Variants in DIP2C observed in about 807,000 individuals in gnomAD.
The protein encoded by DIP2C is disco-interacting protein 2 homolog C.
In DIP2C, 33 loss-of-function variants were observed where a neutral mutation model predicts 192.4. That is an observed-to-expected ratio of 0.17 (90% CI 0.13 to 0.23). DIP2C has a LOEUF of 0.23. Among genes scored for constraint, DIP2C ranks in the 10% least tolerant of loss-of-function variants. DIP2C has a pLI of 1.00. For synonymous variants in DIP2C, 979 were observed against 864.1 expected (o/e 1.13, Z -2.33); for missense variants, 1,537 against 2,110.1 (o/e 0.73, Z 5.32).
At chr10:332,772 TCTC>T (rs550155564) in intron 29 of DIP2C, among the ~76,000 whole-genome samples, 12 of 152,156 alleles carry the variant, frequency 7.9e-5, no homozygotes, top group Non-Finnish European at 1.5e-4. Context: ...AACTGAAAAC[TCTC>T]CTAACTTGGG....
At chr10:373,290 C>A (rs1961207389) in intron 17 of DIP2C, among the ~76,000 whole-genome samples, 1 of 152,170 alleles carries the variant, frequency 6.6e-6, no homozygotes, top group Non-Finnish European at 1.5e-5. Context: ...ACATCACAGT[C>A]AAAAGGCAAA....
At chr10:340,274 ATATT>A (rs2132552405) in intron 29 of DIP2C, among the ~76,000 whole-genome samples, 1 of 152,124 alleles carries the variant, frequency 6.6e-6, no homozygotes, top group South Asian at 2.1e-4. Context: ...ATATTAACAT[ATATT>A]TATTCATAAA....
At chr10:546,110 CAT>C (rs1848271906) in intron 1 of DIP2C, among the ~76,000 whole-genome samples, 1 of 148,774 alleles carries the variant, frequency 6.7e-6, no homozygotes, top group Non-Finnish European at 1.5e-5. Context: ...GGTGAAACCC[CAT>C]CTCTACTAAA....
At chr10:311,896 A>C (rs1589447935) in intron 31 of DIP2C, among the ~76,000 whole-genome samples, 2 of 152,176 alleles carry the variant, frequency 1.3e-5, no homozygotes, top group African/African-American at 4.8e-5. Context: ...GTGGCACTGC[A>C]CCGTGTCACT....
chr10:587,111 C>A (rs759039848), intron 1 of DIP2C, among the ~76,000 whole-genome samples: 5 of 149,054 alleles, frequency 3.4e-5, no homozygotes, highest in African/African-American at 4.9e-5. Flanking sequence ...CTGCTGATAG[C>A]GTGGCGAGGG....
chr10:659,375 T>G (rs949549133), intron 1 of DIP2C, among the ~76,000 whole-genome samples: 2 of 152,192 alleles, frequency 1.3e-5, no homozygotes, highest in Non-Finnish European at 2.9e-5. Flanking sequence ...TTCATACACA[T>G]AAATGCAAAC....
chr10:630,412 A>C (rs1419002171), intron 1 of DIP2C: 1 of 152,256 alleles, frequency 6.6e-6, no homozygotes, highest in Non-Finnish European at 1.5e-5. Context: ...AATTATACAG[A>C]CTGGCAATTA....
At chr10:553,542 C>T (rs1205309962) in intron 1 of DIP2C, among the ~76,000 whole-genome samples, 1 of 152,222 alleles carries the variant, frequency 6.6e-6, no homozygotes, top group Non-Finnish European at 1.5e-5. Flanking sequence ...AAAGTTAAGT[C>T]ACCACTTCTA....
At chr10:616,586 C>A (rs371470710) in intron 1 of DIP2C, among the ~76,000 whole-genome samples, 1 of 152,218 alleles carries the variant, frequency 6.6e-6, no homozygotes, top group African/African-American at 2.4e-5. Context: ...CCTCGCCCAG[C>A]CAGGGCTTCC....
chr10:677,210 C>T (rs543673227), intron 1 of DIP2C, among the ~76,000 whole-genome samples: 1 of 152,326 alleles, frequency 6.6e-6, no homozygotes, highest in Admixed American at 6.5e-5. Flanking sequence ...TGAATCACCA[C>T]AAAAACTACC....
chr10:458,991 C>T (rs371873639), intron 3 of DIP2C, among the ~76,000 whole-genome samples: 25 of 102,692 alleles, frequency 2.4e-4, no homozygotes, highest in East Asian at 5.4e-4. Context: ...TCAACTTTTT[C>T]AAAAAAAAAA....
chr10:481,999 C>A (rs55973534), intron 2 of DIP2C, among the ~76,000 whole-genome samples: 58,224 of 152,146 alleles, frequency 0.38, 13,056 homozygotes, highest in Non-Finnish European at 0.52. Context: ...TAGTAACCAC[C>A]ACCCAACTAT....
chr10:655,193 C>T (rs1418028121), intron 1 of DIP2C, among the ~76,000 whole-genome samples: 1 of 152,186 alleles, frequency 6.6e-6, no homozygotes, highest in African/African-American at 2.4e-5. Context: ...CCCTTGTAGT[C>T]AACTGGGAAG....
At position 378,754 on chromosome 10, in the gene DIP2C, C is replaced by CAT. The variant is rs200652902; in HGVS notation, c.1991+3891_1991+3892dup. On this transcript the variant is annotated intron_variant, in intron 17 of 36. Transcript: ENST00000280886. Reference sequence around the variant, plus strand: ...ACATGCATAAAGACACATGTGAACACATGCCTAGACACGTGAACACACATG... The same window carrying CAT: ...ACATGCATAAAGACACATGTGAACACATATGCCTAGACACGTGAACACACATG... 6.1e-3 allele frequency among the ~76,000 whole-genome samples: 922 copies of CAT among 152,114 alleles called. 4 individuals are homozygous for CAT. The highest frequency in any genetic ancestry group is 0.014 in the Middle Eastern group (4 of 292).
chr10:325,671 G>T (rs538493212), intron 31 of DIP2C, among the ~76,000 whole-genome samples: 77 of 152,346 alleles, frequency 5.1e-4, no homozygotes, highest in African/African-American at 1.7e-3. Flanking sequence ...AGAAAAAGGT[G>T]AATAGGCAGA....
intron 1 of DIP2C, among the ~76,000 whole-genome samples, chr10:594,727 CAG>C (rs1355814227): frequency 6.6e-6 from 1 of 152,188 alleles, no homozygotes; most frequent in African/African-American, 2.4e-5. Flanking sequence ...TCGGCCCCCT[CAG>C]AGTCAAGAAA....
chr10:597,489 G>A lies in DIP2C; in HGVS notation c.85+92005C>T, dbSNP rs191182724. ...AGGTGGAAAGGTGAATGGAGACCTGGTGAATGGAGACCAATGGACAGAGGT... is the reference window on the plus strand; with the variant it reads ...AGGTGGAAAGGTGAATGGAGACCTGATGAATGGAGACCAATGGACAGAGGT... On this transcript the variant is annotated intron_variant, in intron 1 of 36. Transcript: ENST00000280886. Among the ~76,000 whole-genome samples the A allele has an allele frequency of 2.4e-4, 36 of 152,350 alleles. No homozygotes were observed. In the East Asian group the frequency reaches 6.9e-3, roughly 29 times the overall value.
At chr10:315,201 C>T (rs189748655) in intron 31 of DIP2C, among the ~76,000 whole-genome samples, 4 of 152,322 alleles carry the variant, frequency 2.6e-5, no homozygotes, top group East Asian at 3.9e-4. Context: ...ACACATGCTA[C>T]GAACACCTCA....
chr10:555,835 C>T (rs191965789), intron 1 of DIP2C, among the ~76,000 whole-genome samples: 11 of 152,258 alleles, frequency 7.2e-5, no homozygotes, highest in Admixed American at 7.2e-4. Context: ...GTCTCCGTTC[C>T]ACCCCCACGG....
Sources: gnomAD v4.1 joint callset for allele counts (sites outside exome capture counted in the v4.1 genomes callset) on GRCh38, gnomAD v4.1.1 for gene constraint, MANE v1.5 for transcripts, NCBI Gene and HGNC (gene_info 2026-07-23, HGNC 2026-07-21) for gene names.